The following XKR6 variants were observed in gnomAD, a reference collection of about 807,000 sequenced individuals.
XKR6 encodes XK-related protein 6.
Under a neutral mutation model 56.7 loss-of-function variants are expected in XKR6, and 22 were observed. The ratio of observed to expected loss-of-function variants is 0.39; its 90% CI spans 0.28 to 0.55. The LOEUF (loss-of-function observed/expected upper bound fraction) is 0.55. Ranked by LOEUF, XKR6 falls within the 20% of genes least tolerant of loss-of-function variation. XKR6 has a pLI of 0.66. For missense variants in XKR6, 852 were observed against 889.0 expected (o/e 0.96, Z 0.53); for synonymous variants, 524 against 387.8 (o/e 1.35, Z -4.13).
intron 1 of XKR6, among the ~76,000 whole-genome samples, chr8:11,010,014 G>C (rs1405708887): frequency 1.3e-5 from 2 of 152,158 alleles, no homozygotes; most frequent in African/African-American, 2.4e-5. Context: ...CCTGAGAATG[G>C]GTAATTTATA....
At chr8:10,912,619 G>A (rs1800429609) in intron 2 of XKR6, among the ~76,000 whole-genome samples, 4 of 145,650 alleles carry the variant, frequency 2.7e-5, no homozygotes, top group Admixed American at 6.9e-5. Flanking sequence ...GAGGGTGTGT[G>A]AGTATATATA....
chr8:11,024,255 T>TGTGTGTGTG (rs1798813871), intron 1 of XKR6, among the ~76,000 whole-genome samples: 1 of 96,830 alleles, frequency 1.0e-5, no homozygotes, highest in East Asian at 5.0e-4. Context: ...GTGTGTGTGA[T>TGTGTGTGTG]TCTCCATCCA....
chr8:11,201,019 G>T lies in XKR6; in HGVS notation c.321C>A (p.Pro107=). The change falls in exon 1 of 3, where the codon CCC becomes CCA. Residue 107 remains proline, a synonymous_variant. Transcript: ENST00000416569. ...CCGGCCGCGCGGCCGAGGGCGTCGG[G>T]GGTTGGCGGCCGGCGCCGGGGGCCG... ...PPAAPGAGRQ[P]PTPSAARPEP... is the part of the protein sequence containing the mutation. 1 of 1,231,582 alleles carries T rather than the reference G, an allele frequency of 8.1e-7. No individual in the cohort carries two copies. The allele number at this position is 1,231,582 out of a possible 1,614,324, so 76.3% of individuals were successfully genotyped here.
At chr8:11,047,955 G>C (rs1030699285) in intron 1 of XKR6, among the ~76,000 whole-genome samples, 5 of 152,138 alleles carry the variant, frequency 3.3e-5, no homozygotes, top group African/African-American at 9.7e-5. Context: ...TCTAAACTTA[G>C]AGGAGTTACC....
chr8:10,951,087 C>T (rs1238246882), intron 1 of XKR6, among the ~76,000 whole-genome samples: 6 of 152,184 alleles, frequency 3.9e-5, no homozygotes, highest in African/African-American at 1.2e-4. Context: ...CATCCATCCA[C>T]GACCCCAGGG....
chr8:11,032,025 GAGACAGGGCTCCCA>G (rs919997927), intron 1 of XKR6, among the ~76,000 whole-genome samples: 2 of 152,176 alleles, frequency 1.3e-5, no homozygotes, highest in Non-Finnish European at 2.9e-5. Flanking sequence ...CAGGGCTTCT[GAGACAGGGCTCCCA>G]AGACAGGGCT....
intron 1 of XKR6, among the ~76,000 whole-genome samples, chr8:10,984,732 C>CTCTCTCTCTCTATA: frequency 1.7e-4 from 8 of 47,490 alleles, no homozygotes; most frequent in African/African-American, 3.6e-4. Flanking sequence ...CTCTCTCTCT[C>CTCTCTCTCTCTATA]TATATATATA....
chr8:11,109,882 G>A (rs1482460112), intron 1 of XKR6, among the ~76,000 whole-genome samples: 2 of 152,158 alleles, frequency 1.3e-5, no homozygotes, highest in African/African-American at 4.8e-5. Context: ...CTAAAAGCCT[G>A]TCATAATAAG....
At chr8:11,005,720 C>T (rs1351391874) in intron 1 of XKR6, among the ~76,000 whole-genome samples, 1 of 151,898 alleles carries the variant, frequency 6.6e-6, no homozygotes, top group Admixed American at 6.6e-5. Flanking sequence ...AGATAGGAAT[C>T]AAATTTAAAC....
intron 1 of XKR6, among the ~76,000 whole-genome samples, chr8:11,101,503 A>G (rs1450167680): frequency 1.3e-5 from 2 of 152,194 alleles, no homozygotes; most frequent in African/African-American, 4.8e-5. Flanking sequence ...TATGATAAAA[A>G]GTTGTCTGAA....
At chr8:11,149,255 C>T (rs1330198081) in intron 1 of XKR6, among the ~76,000 whole-genome samples, 1 of 152,234 alleles carries the variant, frequency 6.6e-6, no homozygotes, top group African/African-American at 2.4e-5. Flanking sequence ...ACTCTATATA[C>T]AGCCTATTGC....
At chr8:11,142,624 C>T (rs1172050849) in intron 1 of XKR6, among the ~76,000 whole-genome samples, 1 of 152,132 alleles carries the variant, frequency 6.6e-6, no homozygotes, top group Non-Finnish European at 1.5e-5. Context: ...CAGCTCTTGC[C>T]ATGTGAGATG....
chr8:10,986,615 T>C (rs1421292840), intron 1 of XKR6, among the ~76,000 whole-genome samples: 1 of 152,212 alleles, frequency 6.6e-6, no homozygotes, highest in Non-Finnish European at 1.5e-5. Flanking sequence ...AATGTCATAG[T>C]TGAGGGAACA....
chr8:11,181,237 G>T (rs1441828922), intron 1 of XKR6, among the ~76,000 whole-genome samples: 1 of 152,194 alleles, frequency 6.6e-6, no homozygotes. Flanking sequence ...GAAGAGTGGT[G>T]AACGTTTTTC....
chr8:11,181,823 A>G (rs1802996978), intron 1 of XKR6, among the ~76,000 whole-genome samples: 1 of 152,134 alleles, frequency 6.6e-6, no homozygotes, highest in African/African-American at 2.4e-5. Flanking sequence ...ACCCTATGAC[A>G]TAGTATCTTC....
intron 1 of XKR6, among the ~76,000 whole-genome samples, chr8:11,104,176 C>G (rs1171881674): frequency 6.6e-6 from 1 of 152,206 alleles, no homozygotes; most frequent in Non-Finnish European, 1.5e-5. Context: ...GTATGGCAAG[C>G]TTTCCCTAAT....
intron 1 of XKR6, among the ~76,000 whole-genome samples, chr8:11,047,524 A>C (rs1245699503): frequency 6.6e-6 from 1 of 152,216 alleles, no homozygotes; most frequent in Non-Finnish European, 1.5e-5. Context: ...CCAGTCACAA[A>C]AAGACAAATT....
intron 1 of XKR6, among the ~76,000 whole-genome samples, chr8:11,026,036 C>T (rs1300219042): frequency 1.3e-5 from 2 of 152,184 alleles, no homozygotes; most frequent in Non-Finnish European, 2.9e-5. Context: ...CTTATACAGT[C>T]ATGCACCAAT....
chr8:10,959,946 C>T (rs554737906), intron 1 of XKR6, among the ~76,000 whole-genome samples: 38 of 152,206 alleles, frequency 2.5e-4, no homozygotes, highest in Non-Finnish European at 4.1e-4. Flanking sequence ...GCCCAGAGTG[C>T]AGGATTTAAG....
Sources: gnomAD v4.1 joint callset for allele counts (sites outside exome capture counted in the v4.1 genomes callset) on GRCh38, gnomAD v4.1.1 for gene constraint, MANE v1.5 for transcripts, NCBI Gene and HGNC (gene_info 2026-07-23, HGNC 2026-07-21) for gene names.